FNDC3B: variants seen among roughly 807,000 people sequenced by gnomAD.
FNDC3B encodes the protein fibronectin type III domain containing 3B.
A neutral mutation model predicts 151.5 loss-of-function variants in FNDC3B; 12 were observed. The ratio of observed to expected loss-of-function variants is 0.08; its 90% CI spans 0.05 to 0.13. FNDC3B has a LOEUF of 0.13. FNDC3B is among the 10% of genes least tolerant of loss of function. The pLI is 1.00. For missense variants in FNDC3B, 1,214 were observed against 1,505.3 expected (o/e 0.81, Z 3.20); for synonymous variants, 528 against 549.0 (o/e 0.96, Z 0.54).
At chr3:172,256,117 A>G (rs1728326253) in intron 6 of FNDC3B, among the ~76,000 whole-genome samples, 2 of 152,214 alleles carry the variant, frequency 1.3e-5, no homozygotes, top group Non-Finnish European at 2.9e-5. Flanking sequence ...GCATGATATG[A>G]CACATACTCA....
chr3:172,358,259 A>G (rs1734194527), intron 22 of FNDC3B, among the ~76,000 whole-genome samples: 1 of 152,182 alleles, frequency 6.6e-6, no homozygotes, highest in Admixed American at 6.5e-5. Flanking sequence ...CTAGCTTTCA[A>G]CCCCTAGTAG....
At chr3:172,353,127 T>G in intron 22 of FNDC3B, 44 bp downstream of exon 22, 2 of 1,580,300 alleles carry the variant, frequency 1.3e-6, no homozygotes, top group Non-Finnish European at 1.7e-6. Context: ...CATCAGCACT[T>G]GGGGATCTAA....
chr3:172,337,942 AG>A (rs1232567031), intron 16 of FNDC3B: 1 of 152,896 alleles, frequency 6.5e-6, no homozygotes, highest in African/African-American at 2.4e-5. Flanking sequence ...CACCACACTC[AG>A]CTTCCATGTC....
intron 3 of FNDC3B, among the ~76,000 whole-genome samples, chr3:172,151,585 G>T (rs909838260): frequency 6.6e-6 from 1 of 152,030 alleles, no homozygotes; most frequent in Admixed American, 6.5e-5. Flanking sequence ...AGATGTACAA[G>T]AAGTATTTGA....
intron 16 of FNDC3B, 107 bp from the exon 17 acceptor site, chr3:172,341,003 AAAG>A (rs1733286034): frequency 1.3e-6 from 1 of 749,026 alleles, no homozygotes; most frequent in South Asian, 1.5e-5. Flanking sequence ...TTAAAAAGAA[AAAG>A]AAGATGTTGG....
chr3:172,063,864 C>A (rs1246165457), intron 1 of FNDC3B, among the ~76,000 whole-genome samples: 1 of 152,106 alleles, frequency 6.6e-6, no homozygotes, highest in Non-Finnish European at 1.5e-5. Context: ...CTCCCCTCAC[C>A]AAATTTATTT....
At chr3:172,170,165 C>T (rs1723217997) in intron 3 of FNDC3B, among the ~76,000 whole-genome samples, 1 of 152,206 alleles carries the variant, frequency 6.6e-6, no homozygotes, top group Non-Finnish European at 1.5e-5. Context: ...AATGTAAGCC[C>T]AGAGGGGAAA....
intron 1 of FNDC3B, among the ~76,000 whole-genome samples, chr3:172,078,429 G>C (rs1247340868): frequency 6.6e-6 from 1 of 152,196 alleles, no homozygotes; most frequent in African/African-American, 2.4e-5. Flanking sequence ...CTATGGACCT[G>C]TAAGTGGCGT....
At chr3:172,250,845 C>T (rs2108775183) in intron 5 of FNDC3B, among the ~76,000 whole-genome samples, 1 of 152,240 alleles carries the variant, frequency 6.6e-6, no homozygotes, top group South Asian at 2.1e-4. Flanking sequence ...GAGACAGAGT[C>T]TTGCTCTGTC....
At chr3:172,094,668 C>A (rs1719013139) in intron 1 of FNDC3B, among the ~76,000 whole-genome samples, 1 of 151,996 alleles carries the variant, frequency 6.6e-6, no homozygotes, top group Admixed American at 6.6e-5. Context: ...CCGCTTAATT[C>A]TGTTGCTGAT....
chr3:172,359,069 C>T (rs930414356), intron 22 of FNDC3B, among the ~76,000 whole-genome samples: 1 of 150,646 alleles, frequency 6.6e-6, no homozygotes, highest in Non-Finnish European at 1.5e-5. Flanking sequence ...CTAGGAGATA[C>T]TCAGTGAAAG....
chr3:172,138,549 A>G (rs1409954207), intron 3 of FNDC3B, among the ~76,000 whole-genome samples: 1 of 152,204 alleles, frequency 6.6e-6, no homozygotes, highest in Non-Finnish European at 1.5e-5. Flanking sequence ...AACTTTTACA[A>G]TGACCCTACA....
intron 1 of FNDC3B, among the ~76,000 whole-genome samples, chr3:172,044,504 A>C (rs975706597): frequency 6.6e-6 from 1 of 152,090 alleles, no homozygotes; most frequent in Non-Finnish European, 1.5e-5. Flanking sequence ...ATTATCTTTG[A>C]ATTGTTCTAT....
chr3:172,387,101 C>G (rs781747241), intron 25 of FNDC3B, among the ~76,000 whole-genome samples: 16 of 152,056 alleles, frequency 1.1e-4, no homozygotes, highest in African/African-American at 3.6e-4. Flanking sequence ...GGATTAAAGG[C>G]GCCTGCCACC....
chr3:172,126,786 AG>A (rs1559978335), intron 2 of FNDC3B, among the ~76,000 whole-genome samples: 1 of 152,222 alleles, frequency 6.6e-6, no homozygotes. Flanking sequence ...AGCCCTTAAT[AG>A]GAAATTTCCA....
intron 3 of FNDC3B, among the ~76,000 whole-genome samples, chr3:172,195,950 G>T (rs1195318676): frequency 6.6e-6 from 1 of 152,182 alleles, no homozygotes; most frequent in East Asian, 1.9e-4. Flanking sequence ...GAGTTGTGTG[G>T]ATTAAATGAG....
intron 11 of FNDC3B, among the ~76,000 whole-genome samples, chr3:172,314,681 T>TA (rs1731690809): frequency 6.6e-6 from 1 of 152,284 alleles, no homozygotes; most frequent in South Asian, 2.1e-4. Flanking sequence ...TCAAGCCTCT[T>TA]AAAAAAAGAC....
intron 3 of FNDC3B, among the ~76,000 whole-genome samples, chr3:172,166,787 G>C (rs1303008178): frequency 7.8e-6 from 1 of 128,158 alleles, no homozygotes; most frequent in Non-Finnish European, 1.6e-5. Context: ...ACAACTCTTG[G>C]TAGTCTCCTA....
chr3:172,275,056 C>T (rs911525946), intron 6 of FNDC3B, among the ~76,000 whole-genome samples: 2 of 152,104 alleles, frequency 1.3e-5, no homozygotes, highest in African/African-American at 4.8e-5. Flanking sequence ...CCAGATTAGT[C>T]CATGACCTAA....
Sources: allele counts gnomAD v4.1 joint callset (sites outside exome capture counted in the v4.1 genomes callset), GRCh38; gene constraint gnomAD v4.1.1; transcripts MANE v1.5; gene names NCBI Gene and HGNC (gene_info 2026-07-23, HGNC 2026-07-21).